The following SLIT1 variants were observed in gnomAD, a reference collection of about 807,000 sequenced individuals.
SLIT1 encodes slit guidance ligand 1, also known as slit homolog 1 protein.
In SLIT1, 66 loss-of-function variants were observed where a neutral mutation model predicts 186.1. That is an observed-to-expected ratio of 0.35 (90% CI 0.29 to 0.44). The LOEUF (loss-of-function observed/expected upper bound fraction) is 0.44, where lower values mean the gene tolerates loss of function less well. SLIT1 is among the 20% of genes least tolerant of loss of function. SLIT1 has a pLI of 1.00. For synonymous variants in SLIT1, 761 were observed against 833.8 expected (o/e 0.91, Z 1.50); for missense variants, 1,638 against 2,037.4 (o/e 0.80, Z 3.77).
At position 97,060,794 on chromosome 10, in the gene SLIT1, A is replaced by T. The variant is rs1321902836; in HGVS notation, c.794-7T>A. 1 of 1,586,382 alleles carries T rather than the reference A, an allele frequency of 6.3e-7. No individual in the cohort carries two copies. Among genetic ancestry groups the T allele is most frequent in the South Asian group, 1.2e-5 (1 of 85,858 alleles). On this transcript the variant is annotated splice_polypyrimidine_tract_variant and splice_region_variant and intron_variant, in intron 8 of 36. Transcript: ENST00000266058. ...CGCCCCGCTTCTCCCTGGCCTGCAG[A>T]AACAGGGGGGTGTGGCCTCAGGCTG...
chr10:97,137,675 G>T (rs1849715875), intron 4 of SLIT1, among the ~76,000 whole-genome samples: 1 of 151,758 alleles, frequency 6.6e-6, no homozygotes, highest in Non-Finnish European at 1.5e-5. Context: ...GCCTCAACCT[G>T]CCCAGGCTCA....
chr10:97,032,618 C>T (rs1402539826), intron 23 of SLIT1, among the ~76,000 whole-genome samples: 2 of 151,974 alleles, frequency 1.3e-5, no homozygotes, highest in Non-Finnish European at 2.9e-5. Context: ...TTATAGCTTT[C>T]AGTTTCCAGA....
At chr10:97,105,397 A>C (rs998293218) in intron 4 of SLIT1, among the ~76,000 whole-genome samples, 6 of 152,208 alleles carry the variant, frequency 3.9e-5, no homozygotes, top group African/African-American at 1.4e-4. Context: ...CACCTTGCAC[A>C]CATAAATGAG....
chr10:97,015,633 G>A (rs1015928345), intron 28 of SLIT1, among the ~76,000 whole-genome samples: 5 of 152,128 alleles, frequency 3.3e-5, no homozygotes, highest in Admixed American at 6.5e-5. Context: ...GAACAAAAAA[G>A]CACCCATCCA....
intron 25 of SLIT1, among the ~76,000 whole-genome samples, chr10:97,025,434 A>C (rs1848536783): frequency 6.6e-6 from 1 of 152,224 alleles, no homozygotes; most frequent in Admixed American, 6.5e-5. Context: ...GCCACACCTG[A>C]ATTCAACATT....
chr10:97,008,007 GGGAAGGCA>G, intron 31 of SLIT1, among the ~76,000 whole-genome samples: 1 of 151,508 alleles, frequency 6.6e-6, no homozygotes, highest in Non-Finnish European at 1.5e-5. Context: ...GAGGGAGAGG[GGGAAGGCA>G]GGAAGGCAAG....
chr10:97,172,976 A>G (rs1411193703), intron 1 of SLIT1, among the ~76,000 whole-genome samples: 1 of 152,150 alleles, frequency 6.6e-6, no homozygotes, highest in Non-Finnish European at 1.5e-5. Context: ...AGAGAGAGAG[A>G]GGAAAAGAAA....
chr10:97,121,399 C>T (rs1297333186), intron 4 of SLIT1, among the ~76,000 whole-genome samples: 1 of 152,116 alleles, frequency 6.6e-6, no homozygotes, highest in Non-Finnish European at 1.5e-5. Flanking sequence ...TGTGCAGAGC[C>T]CCACCAGCTT....
chr10:97,183,408 T>C (rs1850368332), intron 1 of SLIT1, among the ~76,000 whole-genome samples: 1 of 152,198 alleles, frequency 6.6e-6, no homozygotes, highest in South Asian at 2.1e-4. Context: ...CATCAGAAGG[T>C]ACCAGGCAAT....
intron 28 of SLIT1, among the ~76,000 whole-genome samples, chr10:97,018,008 C>T (rs1307328752): frequency 1.3e-5 from 2 of 151,956 alleles, no homozygotes; most frequent in Non-Finnish European, 1.5e-5. Flanking sequence ...GCCACCACAC[C>T]CAGCTAATTT....
intron 4 of SLIT1, among the ~76,000 whole-genome samples, chr10:97,105,451 C>T (rs1849403907): frequency 1.3e-5 from 2 of 152,218 alleles, no homozygotes; most frequent in Non-Finnish European, 2.9e-5. Context: ...ACCCAAGGCC[C>T]TCCTTGCCAA....
chr10:97,120,535 C>T (rs575464753), intron 4 of SLIT1, among the ~76,000 whole-genome samples: 327 of 152,330 alleles, frequency 2.1e-3, no homozygotes, highest in Non-Finnish European at 3.5e-3. Flanking sequence ...AGTTTCCTGA[C>T]TCGCAATGCT....
At position 97,031,594 on chromosome 10, in the gene SLIT1, G is replaced by A; in HGVS notation, c.2510+12C>T. ...TGGATTTTCTGGCAGGATGGTGAGT[G>A]AGGAGACTTACAGCAGGCGCAGGGA... On this transcript the variant is annotated intron_variant, in intron 24 of 36. Transcript: ENST00000266058. 6.5e-7 allele frequency: 1 copy of A among 1,548,788 alleles called. No homozygotes were observed. Among genetic ancestry groups the A allele is most frequent in the Non-Finnish European group, 8.7e-7 (1 of 1,144,630 alleles).
intron 25 of SLIT1, among the ~76,000 whole-genome samples, chr10:97,029,380 T>G (rs1479356851): frequency 3.3e-5 from 5 of 152,196 alleles, no homozygotes; most frequent in Non-Finnish European, 4.4e-5. Context: ...CTCTCCAACC[T>G]GGGTATGCCT....
chr10:97,059,384 A>G lies in SLIT1; in HGVS notation c.1085+76T>C, dbSNP rs1324638257. 5 of 1,224,792 alleles carry G rather than the reference A, an allele frequency of 4.1e-6. No individual in the cohort carries two copies. The African/African-American group carries it at 7.4e-5, about 18-fold the overall frequency. The allele number at this position is 1,224,792 out of a possible 1,614,324, so 75.9% of individuals were successfully genotyped here. On this transcript the variant is annotated intron_variant, in intron 11 of 36. Transcript: ENST00000266058. ...TAGCCCTGCTCCTCCTCCTGCATCC[A>G]CCAGGACCCTGGGCCCTGCCAGCCT... is the stretch of plus-strand genomic sequence containing the variant.
intron 7 of SLIT1, 41 bp downstream of exon 7, chr10:97,064,127 G>C: frequency 1.3e-6 from 2 of 1,538,638 alleles, no homozygotes; most frequent in South Asian, 1.2e-5. Flanking sequence ...GGCATCAACC[G>C]GGCTTGGCTG....
chr10:97,054,098 T>C (rs1411533647), intron 13 of SLIT1, among the ~76,000 whole-genome samples: 1 of 151,910 alleles, frequency 6.6e-6, no homozygotes, highest in Non-Finnish European at 1.5e-5. Context: ...CCGCTCGGCT[T>C]CTGGTGAGCC....
chr10:97,075,610 G>A (rs1184350713), intron 4 of SLIT1, among the ~76,000 whole-genome samples: 1 of 152,212 alleles, frequency 6.6e-6, no homozygotes, highest in East Asian at 1.9e-4. Context: ...GTGCCAGCAC[G>A]GGGCAGCCTC....
intron 1 of SLIT1, among the ~76,000 whole-genome samples, chr10:97,177,141 T>A: frequency 6.6e-6 from 1 of 152,206 alleles, no homozygotes; most frequent in East Asian, 1.9e-4. Context: ...TCTGTTCCAC[T>A]GCCCTCATAG....
Sources: allele counts gnomAD v4.1 joint callset (sites outside exome capture counted in the v4.1 genomes callset), GRCh38; gene constraint gnomAD v4.1.1; transcripts MANE v1.5; gene names NCBI Gene and HGNC (gene_info 2026-07-23, HGNC 2026-07-21).